SOX6: variants seen among roughly 807,000 people sequenced by gnomAD.
SOX6 encodes the protein SRY-box transcription factor 6, also known as transcription factor SOX-6.
SOX6 carries 11 observed loss-of-function variants against 97.8 expected under a neutral mutation model. The observed-to-expected ratio is 0.11, with a 90% confidence interval of 0.07 to 0.19. The LOEUF (loss-of-function observed/expected upper bound fraction) is 0.19. Among genes scored for constraint, SOX6 ranks in the 10% least tolerant of loss-of-function variants. SOX6 has a pLI of 1.00. For synonymous variants in SOX6, 360 were observed against 371.4 expected (o/e 0.97, Z 0.35); for missense variants, 810 against 1,039.5 (o/e 0.78, Z 3.04).
intron 1 of SOX6, among the ~76,000 whole-genome samples, chr11:16,413,262 AC>A (rs1232099871): frequency 6.6e-6 from 1 of 152,146 alleles, no homozygotes; most frequent in East Asian, 1.9e-4. Context: ...TCATTCGATA[AC>A]TTTTGTCCCT....
intron 3 of SOX6, among the ~76,000 whole-genome samples, chr11:16,631,937 A>G (rs566937103): frequency 2.0e-5 from 3 of 152,250 alleles, no homozygotes; most frequent in Non-Finnish European, 4.4e-5. Context: ...AGAAGCTCTG[A>G]TTTATTTTTT....
At chr11:16,200,089 T>A (rs1851894059) in intron 4 of SOX6, among the ~76,000 whole-genome samples, 1 of 152,212 alleles carries the variant, frequency 6.6e-6, no homozygotes, top group South Asian at 2.1e-4. Context: ...TTAATTCACC[T>A]TCCATAATGC....
chr11:16,563,678 C>T (rs1457344408), intron 4 of SOX6, among the ~76,000 whole-genome samples: 2 of 152,152 alleles, frequency 1.3e-5, no homozygotes. Context: ...AGAAGAAAGA[C>T]AGTGACACTG....
intron 1 of SOX6, among the ~76,000 whole-genome samples, chr11:16,457,477 G>A (rs1304316206): frequency 6.6e-6 from 1 of 151,834 alleles, no homozygotes; most frequent in Non-Finnish European, 1.5e-5. Flanking sequence ...ATAGTTAATG[G>A]GCCCACTATT....
intron 3 of SOX6, among the ~76,000 whole-genome samples, chr11:16,243,128 A>G (rs1282616841): frequency 2.0e-5 from 3 of 151,980 alleles, no homozygotes; most frequent in Non-Finnish European, 4.4e-5. Context: ...CATCACTTCA[A>G]ACATAAATTC....
At chr11:16,430,914 C>G (rs1187640337) in intron 1 of SOX6, among the ~76,000 whole-genome samples, 3 of 152,198 alleles carry the variant, frequency 2.0e-5, no homozygotes, top group African/African-American at 7.2e-5. Context: ...GGTTTCCTAT[C>G]TTCCTCAGGG....
intron 1 of SOX6, among the ~76,000 whole-genome samples, chr11:16,368,409 G>A (rs1378130633): frequency 6.6e-6 from 1 of 152,114 alleles, no homozygotes; most frequent in Non-Finnish European, 1.5e-5. Context: ...TTGTGCCCAG[G>A]AGGTCAAGGC....
At chr11:16,374,779 C>A (rs1468683173) in intron 1 of SOX6, among the ~76,000 whole-genome samples, 1 of 151,944 alleles carries the variant, frequency 6.6e-6, no homozygotes, top group Non-Finnish European at 1.5e-5. Context: ...ATCCAAGAAA[C>A]AATAAAATAA....
chr11:16,137,337 A>G (rs1213796785), intron 6 of SOX6, among the ~76,000 whole-genome samples: 1 of 152,140 alleles, frequency 6.6e-6, no homozygotes, highest in Non-Finnish European at 1.5e-5. Flanking sequence ...GAGGCACAAG[A>G]ATCGCTTGAG....
intron 13 of SOX6, among the ~76,000 whole-genome samples, chr11:16,011,805 T>C (rs1854737062): frequency 6.6e-6 from 1 of 152,064 alleles, no homozygotes; most frequent in African/African-American, 2.4e-5. Context: ...AGGAAACCTG[T>C]ATGGACTGAG....
intron 1 of SOX6, among the ~76,000 whole-genome samples, chr11:16,464,552 G>T (rs1367883899): frequency 6.6e-6 from 1 of 151,890 alleles, no homozygotes; most frequent in Admixed American, 6.6e-5. Flanking sequence ...TCACTTGTCA[G>T]AAAAATGATT....
intron 4 of SOX6, among the ~76,000 whole-genome samples, chr11:16,204,610 C>T (rs1852026115): frequency 6.6e-6 from 1 of 152,076 alleles, no homozygotes; most frequent in Non-Finnish European, 1.5e-5. Context: ...ATCAGCCCAG[C>T]TTATTTGTTC....
chr11:16,098,985 A>G (rs1276040840), intron 7 of SOX6, among the ~76,000 whole-genome samples: 1 of 151,384 alleles, frequency 6.6e-6, no homozygotes, highest in African/African-American at 2.4e-5. Flanking sequence ...AGTTGCTTTC[A>G]CTTTTAACAA....
Position 16,096,072 on chromosome 11 carries a change from A to C in SOX6, c.1025T>G (p.Leu342Arg), listed in dbSNP as rs1187223834. The C allele has an allele frequency of 1.9e-6, 3 of 1,611,480 alleles. No homozygotes were observed. Among genetic ancestry groups the C allele is most frequent in the Non-Finnish European group, 2.5e-6 (3 of 1,178,496 alleles). ...HPQINQRLKG[L>R]SDRFGRNLDT... ...CAAATTCCTGCCAAAACGGTCACTT[A>C]GGCCCTTTAGCCTTTGGTTAATTTG... The change falls in exon 9 of 16, where the codon CTA (leucine) becomes CGA (arginine). Residue 342 changes from leucine (L) to arginine (R), a missense_variant. This residue lies in a region of SOX6 where 244 missense variants were observed against 261.0 expected (regional missense o/e 0.93). Coordinates refer to ENST00000683767, the MANE Select transcript of SOX6 (RefSeq NM_001367873.1).
At chr11:16,559,524 G>A (rs1314360800) in intron 4 of SOX6, among the ~76,000 whole-genome samples, 1 of 151,136 alleles carries the variant, frequency 6.6e-6, no homozygotes, top group East Asian at 2.2e-4. Context: ...CTCATTCATT[G>A]CTCTTTGGTG....
intron 1 of SOX6, among the ~76,000 whole-genome samples, chr11:16,410,752 C>T (rs1352578515): frequency 4.6e-5 from 5 of 108,776 alleles, no homozygotes; most frequent in Admixed American, 1.1e-4. Context: ...GAGCAAGAAC[C>T]GGTCTCCAAA....
At position 16,096,018 on chromosome 11, in the gene SOX6, G is replaced by T; in HGVS notation, c.1079C>A (p.Ser360Tyr). The change falls in exon 9 of 16, where the codon TCT (serine) becomes TAT (tyrosine). Residue 360 changes from serine (S) to tyrosine (Y), a missense_variant. By Grantham distance (144) the Ser-to-Tyr change is moderately radical. This residue lies in a region of SOX6 where 244 missense variants were observed against 261.0 expected (regional missense o/e 0.93). Coordinates refer to ENST00000683767, the MANE Select transcript of SOX6 (RefSeq NM_001367873.1). ...LDTFEHGGGH[S>Y]YNHKQIEQLY... ...TACCTCAATCTGTTTGTGGTTGTAAGAGTGGCCACCACCATGTTCAAAGGT... is the reference window on the plus strand; with the variant it reads ...TACCTCAATCTGTTTGTGGTTGTAATAGTGGCCACCACCATGTTCAAAGGT... 1 of 1,610,480 alleles carries T rather than the reference G, an allele frequency of 6.2e-7. No homozygotes were observed.
chr11:16,423,389 G>T (rs1654847536), intron 1 of SOX6, among the ~76,000 whole-genome samples: 1 of 152,060 alleles, frequency 6.6e-6, no homozygotes, highest in African/African-American at 2.4e-5. Context: ...TTGAATAAAT[G>T]GATTAATAAA....
At chr11:15,985,507 C>G (rs11023814) in intron 15 of SOX6, among the ~76,000 whole-genome samples, 71,686 of 151,576 alleles carry the variant, frequency 0.47, 17,456 homozygotes, top group Non-Finnish European at 0.55. Context: ...ATCTGCATCC[C>G]CACTTATCCT....
Sources: gnomAD v4.1 joint callset for allele counts (sites outside exome capture counted in the v4.1 genomes callset) on GRCh38, gnomAD v4.1.1 for gene constraint, gnomAD v4.1.1 regional missense constraint, MANE v1.5 for transcripts, NCBI Gene and HGNC (gene_info 2026-07-23, HGNC 2026-07-21) for gene names.